AGBL4: variants seen among roughly 807,000 people sequenced by gnomAD.
The protein encoded by AGBL4 is cytosolic carboxypeptidase 6.
A neutral mutation model predicts 66.4 loss-of-function variants in AGBL4; 58 were observed. The observed-to-expected ratio is 0.87, with a 90% CI of 0.71 to 1.09. The LOEUF (loss-of-function observed/expected upper bound fraction) is 1.09. AGBL4 is among the 50% of genes least tolerant of loss of function. The probability of loss-of-function intolerance (pLI) is 0.00; values close to 1 mark genes in which losing one functional copy is unlikely to be tolerated. For missense variants in AGBL4, 579 were observed against 631.0 expected, an observed-to-expected ratio of 0.92 and a Z score of 0.88; for synonymous variants, 234 against 222.9, an observed-to-expected ratio of 1.05 and a Z score of -0.44.
chr1:49,082,116 A>C (rs1644819996), intron 4 of AGBL4, among the ~76,000 whole-genome samples: 1 of 152,226 alleles, frequency 6.6e-6, no homozygotes, highest in Non-Finnish European at 1.5e-5. Context: ...GATGATGATA[A>C]AAACTGCATG....
intron 4 of AGBL4, among the ~76,000 whole-genome samples, chr1:49,164,290 A>G (rs1242096733): frequency 2.0e-5 from 3 of 152,084 alleles, no homozygotes; most frequent in Non-Finnish European, 2.9e-5. Flanking sequence ...TACCAGGTCA[A>G]TTGCCTTAGC....
At chr1:49,681,980 AG>A (rs1437581094) in intron 3 of AGBL4, among the ~76,000 whole-genome samples, 2 of 152,256 alleles carry the variant, frequency 1.3e-5, no homozygotes, top group Non-Finnish European at 2.9e-5. Context: ...CAAGAAAGAA[AG>A]TGGCTTTCTC....
At chr1:49,858,836 C>T (rs1646496247) in intron 1 of AGBL4, among the ~76,000 whole-genome samples, 1 of 151,998 alleles carries the variant, frequency 6.6e-6, no homozygotes, top group East Asian at 1.9e-4. Context: ...GCCAACATGA[C>T]AAAACCCTGT....
chr1:48,618,176 C>A (rs1457115235), intron 9 of AGBL4, among the ~76,000 whole-genome samples: 2 of 152,232 alleles, frequency 1.3e-5, no homozygotes, highest in African/African-American at 2.4e-5. Context: ...TGAGACCAGC[C>A]CAGGCAAGAT....
chr1:48,552,218 C>T (rs10218507), intron 11 of AGBL4, among the ~76,000 whole-genome samples: 24,958 of 151,998 alleles, frequency 0.16, 2,409 homozygotes, highest in African/African-American at 0.27. Context: ...TGTGTGCCAC[C>T]ATGCCCGGCT....
chr1:49,129,888 C>T (rs1645852682), intron 4 of AGBL4, among the ~76,000 whole-genome samples: 1 of 152,202 alleles, frequency 6.6e-6, no homozygotes, highest in Non-Finnish European at 1.5e-5. Context: ...GGAATCGCCA[C>T]ACTGACCTCC....
At chr1:49,024,385 T>G (rs1054736524) in intron 5 of AGBL4, among the ~76,000 whole-genome samples, 1 of 152,182 alleles carries the variant, frequency 6.6e-6, no homozygotes, top group South Asian at 2.1e-4. Flanking sequence ...CCCTGTAAGA[T>G]AGAGTTCAAA....
intron 3 of AGBL4, among the ~76,000 whole-genome samples, chr1:49,354,512 TTTC>T (rs984100818): frequency 1.3e-5 from 2 of 152,124 alleles, no homozygotes; most frequent in African/African-American, 2.4e-5. Flanking sequence ...GCCTCATCTC[TTTC>T]TTCTTCTTCT....
chr1:49,878,158 C>G (rs1369251605), intron 1 of AGBL4, among the ~76,000 whole-genome samples: 1 of 145,884 alleles, frequency 6.9e-6, no homozygotes, highest in Non-Finnish European at 1.5e-5. Context: ...TCTCTATTTC[C>G]TTCAGTTCTG....
At chr1:49,660,417 G>C (rs1364292097) in intron 3 of AGBL4, among the ~76,000 whole-genome samples, 2 of 152,160 alleles carry the variant, frequency 1.3e-5, no homozygotes, top group African/African-American at 4.8e-5. Flanking sequence ...TCTTGCACCA[G>C]TCAGAATGGC....
intron 4 of AGBL4, among the ~76,000 whole-genome samples, chr1:49,116,545 T>C (rs1645527072): frequency 6.6e-6 from 1 of 152,246 alleles, no homozygotes. Context: ...GCAAAGGACA[T>C]GAACTCATCC....
chr1:49,850,702 A>G (rs1013817272), intron 2 of AGBL4, among the ~76,000 whole-genome samples: 3 of 152,140 alleles, frequency 2.0e-5, no homozygotes, highest in African/African-American at 7.2e-5. Context: ...ATACTTATGC[A>G]CACACATGCA....
chr1:49,835,650 C>T (rs932151362), intron 2 of AGBL4, among the ~76,000 whole-genome samples: 1 of 152,154 alleles, frequency 6.6e-6, no homozygotes, highest in African/African-American at 2.4e-5. Flanking sequence ...TTAGTTGATG[C>T]AGTTTCTTCA....
chr1:49,897,796 A>G (rs1050934965), intron 1 of AGBL4, among the ~76,000 whole-genome samples: 10 of 152,056 alleles, frequency 6.6e-5, no homozygotes, highest in African/African-American at 2.4e-4. Context: ...AGCAGAATAG[A>G]CAACCCAGAA....
chr1:48,765,032 C>A (rs867397196), intron 6 of AGBL4, among the ~76,000 whole-genome samples: 1 of 152,180 alleles, frequency 6.6e-6, no homozygotes, highest in African/African-American at 2.4e-5. Flanking sequence ...AATTAGAATG[C>A]CCTTCTTTCT....
At chr1:48,680,150 G>T (rs558953319) in intron 6 of AGBL4, among the ~76,000 whole-genome samples, 1 of 152,194 alleles carries the variant, frequency 6.6e-6, no homozygotes, top group East Asian at 1.9e-4. Context: ...TAAAAATGAC[G>T]CAGCTATAAT....
chr1:48,709,748 C>T (rs2148516300), intron 6 of AGBL4, among the ~76,000 whole-genome samples: 1 of 152,044 alleles, frequency 6.6e-6, no homozygotes, highest in African/African-American at 2.4e-5. Context: ...ACTACAGGCA[C>T]CCGCCACCAC....
At chr1:49,523,154 A>G (rs1260620028) in intron 3 of AGBL4, among the ~76,000 whole-genome samples, 1 of 152,040 alleles carries the variant, frequency 6.6e-6, no homozygotes. Context: ...ATTCAGCTAT[A>G]TTTTCATACG....
intron 3 of AGBL4, among the ~76,000 whole-genome samples, chr1:49,621,943 C>T (rs1645368947): frequency 6.6e-6 from 1 of 152,200 alleles, no homozygotes; most frequent in East Asian, 1.9e-4. Context: ...TACTCTTTCT[C>T]CATCTGTCAC....
Sources: gnomAD v4.1 joint callset for allele counts (sites outside exome capture counted in the v4.1 genomes callset) on GRCh38, gnomAD v4.1.1 for gene constraint, MANE v1.5 for transcripts, NCBI Gene and HGNC (gene_info 2026-07-23, HGNC 2026-07-21) for gene names.